The following SGCZ variants were observed in gnomAD, a reference collection of about 807,000 sequenced individuals.
SGCZ encodes the protein zeta-sarcoglycan.
In SGCZ, 40 loss-of-function variants were observed where a neutral mutation model predicts 41.3. The ratio of observed to expected loss-of-function variants is 0.97; its 90% confidence interval spans 0.75 to 1.26. The LOEUF (loss-of-function observed/expected upper bound fraction) is 1.26, where lower values mean the gene tolerates loss of function less well. SGCZ is among the 50% of genes most tolerant of loss of function. SGCZ has a pLI of 0.00. For synonymous variants in SGCZ, 206 were observed against 137.5 expected (o/e 1.50, Z -3.49); for missense variants, 552 against 369.8 (o/e 1.49, Z -4.04).
intron 1 of SGCZ, among the ~76,000 whole-genome samples, chr8:15,084,092 G>A (rs1362586086): frequency 6.6e-6 from 1 of 152,104 alleles, no homozygotes; most frequent in Non-Finnish European, 1.5e-5. Flanking sequence ...TTATCTGCCT[G>A]GTTTAAAATT....
intron 1 of SGCZ, among the ~76,000 whole-genome samples, chr8:14,803,067 C>T (rs1044896196): frequency 1.9e-4 from 29 of 152,118 alleles, no homozygotes; most frequent in Admixed American, 7.9e-4. Context: ...TCCTGTATTA[C>T]TAAATTATTT....
rs563075852 is a variant in SGCZ, at chr8:14,420,090, T to C, written c.235-95886A>G. On this transcript the variant is annotated intron_variant, in intron 2 of 7. Coordinates refer to ENST00000382080, the MANE Select transcript of SGCZ (RefSeq NM_139167.4). Reference sequence around the variant, plus strand: ...TAATCTCATTCTATTTATTGCATTCTATTTTTATGTTATAATCCAGCCTGT... The same window carrying C: ...TAATCTCATTCTATTTATTGCATTCCATTTTTATGTTATAATCCAGCCTGT... Among the ~76,000 whole-genome samples, 5 of 152,242 alleles carry C rather than the reference T, an allele frequency of 3.3e-5. No homozygotes were observed. The South Asian group carries it at 1.0e-3, about 32-fold the overall frequency.
intron 1 of SGCZ, among the ~76,000 whole-genome samples, chr8:14,908,617 A>T (rs1000397691): frequency 6.6e-6 from 1 of 151,638 alleles, no homozygotes; most frequent in Non-Finnish European, 1.5e-5. Context: ...GGGCGTGGTG[A>T]CAGGCACCTG....
At chr8:15,189,042 AG>A (rs1800444239) in intron 1 of SGCZ, among the ~76,000 whole-genome samples, 1 of 152,216 alleles carries the variant, frequency 6.6e-6, no homozygotes, top group South Asian at 2.1e-4. Flanking sequence ...AACTATTAAA[AG>A]CTTGGTACAC....
intron 2 of SGCZ, among the ~76,000 whole-genome samples, chr8:14,347,571 T>C (rs190756591): frequency 1.6e-3 from 242 of 151,828 alleles, no homozygotes; most frequent in Middle Eastern, 6.8e-3. Flanking sequence ...CTCCCACTTT[T>C]TTTTCTACTT....
intron 1 of SGCZ, among the ~76,000 whole-genome samples, chr8:15,129,725 A>AAAAAT (rs1807832274): frequency 6.6e-6 from 1 of 151,184 alleles, no homozygotes; most frequent in Non-Finnish European, 1.5e-5. Flanking sequence ...AAAAAAAAAA[A>AAAAAT]TCACAGTTCT....
chr8:14,563,282 G>C (rs145229345), intron 1 of SGCZ, among the ~76,000 whole-genome samples: 40 of 152,230 alleles, frequency 2.6e-4, no homozygotes, highest in African/African-American at 9.1e-4. Flanking sequence ...CTTCAGTGAG[G>C]TTTTATTTTT....
At chr8:14,162,116 A>C (rs917018696) in intron 5 of SGCZ, among the ~76,000 whole-genome samples, 2 of 152,210 alleles carry the variant, frequency 1.3e-5, no homozygotes, top group Non-Finnish European at 2.9e-5. Context: ...GGGGCTACTA[A>C]GCAAAAGCAG....
intron 4 of SGCZ, among the ~76,000 whole-genome samples, chr8:14,196,431 G>A (rs1203663109): frequency 6.6e-6 from 1 of 151,814 alleles, no homozygotes; most frequent in African/African-American, 2.4e-5. Flanking sequence ...GAAAATTTGT[G>A]GAGTTACTTG....
At chr8:14,502,238 G>C (rs1162391379) in intron 2 of SGCZ, among the ~76,000 whole-genome samples, 1 of 151,886 alleles carries the variant, frequency 6.6e-6, no homozygotes, top group Non-Finnish European at 1.5e-5. Context: ...ATACAAAAAA[G>C]GATTTTTATT....
chr8:15,041,029 G>C (rs905010991), intron 1 of SGCZ, among the ~76,000 whole-genome samples: 2 of 151,806 alleles, frequency 1.3e-5, no homozygotes, highest in South Asian at 4.1e-4. Flanking sequence ...TTAAATAATA[G>C]AGTAAAATAT....
chr8:14,830,364 T>C (rs930046150), intron 1 of SGCZ, among the ~76,000 whole-genome samples: 1 of 151,836 alleles, frequency 6.6e-6, no homozygotes, highest in Non-Finnish European at 1.5e-5. Flanking sequence ...TGACATCAAT[T>C]TGTTATCTGT....
intron 1 of SGCZ, among the ~76,000 whole-genome samples, chr8:14,587,782 A>G (rs1805108474): frequency 6.6e-6 from 1 of 152,240 alleles, no homozygotes; most frequent in African/African-American, 2.4e-5. Flanking sequence ...TGAGACTTAC[A>G]AAAAGTCTTC....
chr8:14,734,308 T>C (rs1798963253), intron 1 of SGCZ, among the ~76,000 whole-genome samples: 1 of 152,018 alleles, frequency 6.6e-6, no homozygotes, highest in South Asian at 2.1e-4. Context: ...AAAATTGTAA[T>C]AAAATAAGAA....
chr8:14,154,390 AC>A (rs1249679945), intron 5 of SGCZ, among the ~76,000 whole-genome samples: 1 of 4,846 alleles, frequency 2.1e-4, no homozygotes, highest in Non-Finnish European at 2.3e-3. Flanking sequence ...AACAGCAACA[AC>A]AAAAAAAAAC....
intron 1 of SGCZ, among the ~76,000 whole-genome samples, chr8:15,184,306 T>G (rs1300837292): frequency 6.6e-6 from 1 of 152,150 alleles, no homozygotes; most frequent in Non-Finnish European, 1.5e-5. Context: ...ACACGGTGCA[T>G]GTTAGTTGTA....
rs539864708 is a variant in SGCZ, at chr8:14,743,448, C to T, written c.40-188522G>A. Among the ~76,000 whole-genome samples the T allele has an allele frequency of 2.6e-5, 4 of 151,892 alleles. No individual in the cohort carries two copies. The South Asian group carries it at 6.2e-4, about 24-fold the overall frequency. The stretch of plus-strand genomic sequence containing the variant: ...GAAATAACTTTTCATATACTGTGCC[C>T]TATAGAAAAGTAAAATGAATCAGAT... On this transcript the variant is annotated intron_variant, in intron 1 of 7. Transcript: ENST00000382080.
intron 1 of SGCZ, among the ~76,000 whole-genome samples, chr8:14,752,289 G>A (rs1799524998): frequency 6.6e-6 from 1 of 152,018 alleles, no homozygotes; most frequent in Non-Finnish European, 1.5e-5. Context: ...TTTATCAAGT[G>A]TTATTTCCAC....
intron 2 of SGCZ, among the ~76,000 whole-genome samples, chr8:14,498,843 T>C (rs1291833511): frequency 6.6e-6 from 1 of 152,056 alleles, no homozygotes; most frequent in Non-Finnish European, 1.5e-5. Context: ...TCGACCCAGA[T>C]ATTTACCCTC....
Sources: gnomAD v4.1 joint callset for allele counts (sites outside exome capture counted in the v4.1 genomes callset) on GRCh38, gnomAD v4.1.1 for gene constraint, MANE v1.5 for transcripts, NCBI Gene and HGNC (gene_info 2026-07-23, HGNC 2026-07-21) for gene names.